GALK2: variants seen among roughly 807,000 people sequenced by gnomAD.
GALK2 encodes the protein galactokinase 2, also known as N-acetylgalactosamine kinase.
Under a neutral mutation model 52.4 loss-of-function variants are expected in GALK2, and 36 were observed. The ratio of observed to expected loss-of-function variants is 0.69; its 90% confidence interval spans 0.53 to 0.91. The LOEUF is 0.91. Ranked by LOEUF, GALK2 falls within the 40% of genes least tolerant of loss-of-function variation. The pLI, the probability that GALK2 is intolerant of heterozygous loss-of-function variation, is 0.00. For missense variants in GALK2, 579 were observed against 559.1 expected, an observed-to-expected ratio of 1.04 and a Z score of -0.36; for synonymous variants, 176 against 199.1, an observed-to-expected ratio of 0.88 and a Z score of 0.98.
intron 5 of GALK2, among the ~76,000 whole-genome samples, chr15:49,253,020 A>C (rs1165473887): frequency 6.9e-6 from 1 of 144,538 alleles, no homozygotes; most frequent in African/African-American, 2.5e-5. Context: ...TCATCTTATT[A>C]CTTTATAAGA....
At chr15:49,284,938 C>G (rs979852185) in intron 7 of GALK2, among the ~76,000 whole-genome samples, 1 of 152,150 alleles carries the variant, frequency 6.6e-6, no homozygotes, top group Admixed American at 6.5e-5. Flanking sequence ...TCCACCTATT[C>G]TAGTATTTTG....
At chr15:49,280,630 G>T (rs2032551390) in intron 5 of GALK2, among the ~76,000 whole-genome samples, 1 of 152,004 alleles carries the variant, frequency 6.6e-6, no homozygotes. Context: ...CAGTTTTTCA[G>T]AATAATTATT....
intron 8 of GALK2, among the ~76,000 whole-genome samples, chr15:49,314,181 C>T (rs11853969): frequency 0.25 from 38,175 of 152,066 alleles, 5,967 homozygotes; most frequent in Non-Finnish European, 0.35. Flanking sequence ...TAAAGGAAAA[C>T]GTTAATAGGC....
At chr15:49,355,397 G>C (rs977065096) in intron 3 of GALK2, among the ~76,000 whole-genome samples, 1 of 152,206 alleles carries the variant, frequency 6.6e-6, no homozygotes, top group East Asian at 1.9e-4. Flanking sequence ...CTGCCTAAAG[G>C]AGCTAATGGA....
At chr15:49,294,853 C>T (rs1330544078) in intron 8 of GALK2, among the ~76,000 whole-genome samples, 1 of 152,094 alleles carries the variant, frequency 6.6e-6, no homozygotes, top group Non-Finnish European at 1.5e-5. Context: ...TTATGAATTT[C>T]CTAGACTTAG....
chr15:49,228,673 A>ATG (rs2090288789), intron 3 of GALK2, among the ~76,000 whole-genome samples: 1 of 9,748 alleles, frequency 1.0e-4, no homozygotes, highest in Non-Finnish European at 2.1e-4. Flanking sequence ...ATATATATAT[A>ATG]TATATATATA....
At chr15:49,307,838 T>C (rs926475406) in intron 8 of GALK2, among the ~76,000 whole-genome samples, 15 of 152,220 alleles carry the variant, frequency 9.9e-5, no homozygotes, top group Non-Finnish European at 2.1e-4. Flanking sequence ...TACTTTTCCA[T>C]GGATTAGTGT....
At chr15:49,159,435 T>C (rs2084569276) in intron 1 of GALK2, among the ~76,000 whole-genome samples, 1 of 151,920 alleles carries the variant, frequency 6.6e-6, no homozygotes, top group African/African-American at 2.4e-5. Flanking sequence ...AAAAAAATTA[T>C]CCAGGCATGG....
At chr15:49,281,750 A>G (rs1247272591) in intron 5 of GALK2, among the ~76,000 whole-genome samples, 4 of 152,348 alleles carry the variant, frequency 2.6e-5, no homozygotes, top group South Asian at 2.1e-4. Context: ...AGGGATGGCG[A>G]AAACATAGTG....
intron 2 of GALK2, 116 bp downstream of exon 2, chr15:49,201,366 A>G: frequency 5.2e-6 from 3 of 577,794 alleles, no homozygotes; most frequent in Non-Finnish European, 9.1e-6. Flanking sequence ...ACATGTATCT[A>G]CTAATAGTAA....
chr15:49,214,846 T>G (rs1031357595), intron 2 of GALK2, among the ~76,000 whole-genome samples: 7 of 152,168 alleles, frequency 4.6e-5, no homozygotes, highest in African/African-American at 1.7e-4. Flanking sequence ...TGATATATAT[T>G]TTTTTACATT....
downstream of GALK2, among the ~76,000 whole-genome samples, chr15:49,335,241 G>A (rs577608076): frequency 3.9e-5 from 6 of 152,160 alleles, no homozygotes; most frequent in African/African-American, 1.2e-4. Context: ...ACTTGCCATG[G>A]CTCCATGGTT....
At chr15:49,266,555 G>A (rs953807326) in intron 5 of GALK2, among the ~76,000 whole-genome samples, 4 of 152,022 alleles carry the variant, frequency 2.6e-5, no homozygotes, top group Non-Finnish European at 4.4e-5. Context: ...TACTTCTCTG[G>A]TCTCCATTTT....
intron 1 of GALK2, among the ~76,000 whole-genome samples, chr15:49,182,597 A>G (rs1297931558): frequency 3.3e-5 from 5 of 152,094 alleles, no homozygotes; most frequent in Admixed American, 2.0e-4. Context: ...ACTAATTTAC[A>G]TTTCCACCAA....
chr15:49,194,620 A>C (rs2087054366), intron 1 of GALK2, among the ~76,000 whole-genome samples: 2 of 126,428 alleles, frequency 1.6e-5, no homozygotes, highest in East Asian at 4.5e-4. Context: ...TTTGAGATGG[A>C]GTTTCACTGT....
At chr15:49,198,644 C>T (rs1278765308) in intron 1 of GALK2, among the ~76,000 whole-genome samples, 2 of 152,024 alleles carry the variant, frequency 1.3e-5, no homozygotes, top group Non-Finnish European at 2.9e-5. Flanking sequence ...TATCTTTTAA[C>T]TTTTACCTCT....
rs2085762301 is a variant in GALK2, at chr15:49,179,219, A to G, written c.53+8844A>G. Among the ~76,000 whole-genome samples the G allele has an allele frequency of 2.0e-5, 3 of 152,150 alleles. No individual in the cohort carries two copies. In the South Asian group the frequency reaches 6.2e-4, roughly 32 times the overall value. ...AAATATAACAGTAATAATAGTAATA[A>G]CTAATAATTATTTTATACTTATAAA... On this transcript the variant is annotated intron_variant, in intron 1 of 9. Transcript: ENST00000560031.
chr15:49,313,826 T>C (rs2036190970), intron 8 of GALK2, among the ~76,000 whole-genome samples: 1 of 151,952 alleles, frequency 6.6e-6, no homozygotes, highest in Non-Finnish European at 1.5e-5. Context: ...AGCTCTTGCA[T>C]GGAGAACTTA....
At chr15:49,292,584 A>C (rs1399017411) in intron 8 of GALK2, 47 bp downstream of exon 8, 1 of 1,479,864 alleles carries the variant, frequency 6.8e-7, no homozygotes, top group East Asian at 2.3e-5. Flanking sequence ...CCTCACTTAC[A>C]GCTGGAAGGT....
Sources: allele counts gnomAD v4.1 joint callset (sites outside exome capture counted in the v4.1 genomes callset), GRCh38; gene constraint gnomAD v4.1.1; transcripts MANE v1.5; gene names NCBI Gene and HGNC (gene_info 2026-07-23, HGNC 2026-07-21).